Variants in SERGEF observed in about 807,000 individuals in gnomAD.
SERGEF encodes the protein secretion-regulating guanine nucleotide exchange factor.
In SERGEF, 51 loss-of-function variants were observed where a neutral mutation model predicts 50.0. That is an observed-to-expected ratio of 1.02 (90% CI 0.81 to 1.29). The LOEUF (loss-of-function observed/expected upper bound fraction) is 1.29, where lower values mean the gene tolerates loss of function less well. SERGEF is among the 50% of genes most tolerant of loss of function. The pLI is 0.00. For synonymous variants in SERGEF, 205 were observed against 212.4 expected (o/e 0.97, Z 0.30); for missense variants, 521 against 557.0 (o/e 0.94, Z 0.65).
intron 9 of SERGEF, among the ~76,000 whole-genome samples, chr11:17,881,009 C>G (rs1851324511): frequency 6.6e-6 from 1 of 152,130 alleles, no homozygotes; most frequent in Non-Finnish European, 1.5e-5. Context: ...TTAGTCATCA[C>G]AACAATCTTT....
intron 8 of SERGEF, among the ~76,000 whole-genome samples, chr11:17,984,928 A>T (rs1853564695): frequency 6.6e-6 from 1 of 152,256 alleles, no homozygotes. Context: ...CATTAAACAA[A>T]TAAGAATACA....
chr11:17,978,458 A>G (rs1853426018), intron 8 of SERGEF, among the ~76,000 whole-genome samples: 1 of 152,196 alleles, frequency 6.6e-6, no homozygotes, highest in Non-Finnish European at 1.5e-5. Flanking sequence ...GGAGAACTGG[A>G]CAGGGCAGAG....
intron 6 of SERGEF, 88 bp from the exon 7 acceptor site, chr11:17,993,081 GT>G: frequency 1.9e-6 from 2 of 1,080,924 alleles, no homozygotes; most frequent in Non-Finnish European, 2.8e-6. Flanking sequence ...CCACCTGGGC[GT>G]GGGAGAGACT....
At chr11:18,012,440 CAG>C (rs1854215831) in intron 1 of SERGEF, 1 of 1,011,212 alleles carries the variant, frequency 9.9e-7, no homozygotes, top group South Asian at 3.2e-5. Flanking sequence ...CCGGTCACAG[CAG>C]AGTGTCAGCA....
chr11:17,998,528 ATG>A lies in SERGEF; in HGVS notation c.508+1967_508+1968del, dbSNP rs71047568. On this transcript the variant is annotated intron_variant, in intron 5 of 10. Coordinates refer to ENST00000265965, the MANE Select transcript of SERGEF (RefSeq NM_012139.4). ...GTGTGTTATATATATATATGTTTATATGTGTGTGTGTGTGTGTGTATGTGTAT... is the reference window on the plus strand; with the variant it reads ...GTGTGTTATATATATATATGTTTATATGTGTGTGTGTGTGTGTATGTGTAT... 5.8e-4 allele frequency among the ~76,000 whole-genome samples: 73 copies of A among 126,150 alleles called. 1 individual carries two copies. Among genetic ancestry groups the A allele is most frequent in the Non-Finnish European group, 8.8e-4 (54 of 61,278 alleles). The allele number at this position is 126,150 out of a possible 152,430, so 82.8% of individuals were successfully genotyped here.
intron 10 of SERGEF, among the ~76,000 whole-genome samples, chr11:17,813,781 C>CA (rs1341757385): frequency 2.0e-4 from 30 of 152,366 alleles, no homozygotes; most frequent in African/African-American, 7.0e-4. Flanking sequence ...ATTAGAGAAG[C>CA]AGATTGAAAA....
chr11:17,903,207 C>T (rs519288), intron 9 of SERGEF, among the ~76,000 whole-genome samples: 74,153 of 151,890 alleles, frequency 0.49, 18,368 homozygotes, highest in African/African-American at 0.55. Context: ...TATTCTAAAC[C>T]CTGCAGGTCA....
At chr11:17,933,511 A>G (rs1259265132) in intron 9 of SERGEF, among the ~76,000 whole-genome samples, 1 of 152,154 alleles carries the variant, frequency 6.6e-6, no homozygotes, top group Non-Finnish European at 1.5e-5. Context: ...GTCCCTGGGA[A>G]AGTCACTCCA....
rs1411746616 is a variant in SERGEF at position 17,895,276 on chromosome 11, G to A, written c.1012-17032C>T. Among the ~76,000 whole-genome samples the A allele has an allele frequency of 3.3e-5, 5 of 152,162 alleles. No homozygotes were observed. In the East Asian group the frequency reaches 9.6e-4, roughly 29 times the overall value. ...CAGGTCCTAAAGCTTTACTCTTTCTGGGATTAAAAAGTCAATAATGAAGAT... is the reference window on the plus strand; with the variant it reads ...CAGGTCCTAAAGCTTTACTCTTTCTAGGATTAAAAAGTCAATAATGAAGAT... On this transcript the variant is annotated intron_variant, in intron 9 of 10. Transcript: ENST00000265965.
At chr11:17,917,302 G>A (rs1852067455) in intron 9 of SERGEF, among the ~76,000 whole-genome samples, 1 of 152,208 alleles carries the variant, frequency 6.6e-6, no homozygotes, top group Non-Finnish European at 1.5e-5. Flanking sequence ...TATTCTAAGT[G>A]AAGTAACTCA....
Position 17,884,235 on chromosome 11 carries a change from G to A in SERGEF, c.1012-5991C>T, listed in dbSNP as rs1374277828. Among the ~76,000 whole-genome samples the A allele has an allele frequency of 2.0e-5, 3 of 152,250 alleles. No individual in the cohort carries two copies. The highest frequency in any genetic ancestry group is 4.8e-5 in the African/African-American group (2 of 41,474). On this transcript the variant is annotated intron_variant, in intron 9 of 10. Transcript: ENST00000265965. This position sits in a 1 kb window ranked among gnomAD's most constrained non-coding sequence, Gnocchi z 4.6. ...GCGGAAACACATGATGGCCAGGGTGGAAGGGGAGTAACGGGGTTTAGGTTG... is the reference window on the plus strand; with the variant it reads ...GCGGAAACACATGATGGCCAGGGTGAAAGGGGAGTAACGGGGTTTAGGTTG...
intron 10 of SERGEF, among the ~76,000 whole-genome samples, chr11:17,789,603 T>C (rs1849446190): frequency 1.3e-5 from 2 of 152,146 alleles, no homozygotes; most frequent in East Asian, 1.9e-4. Context: ...ATAAAAATAA[T>C]ACATCTTCAT....
Position 17,926,859 on chromosome 11 carries a change from G to A in SERGEF, c.1011+32611C>T, listed in dbSNP as rs1178674822. 8.8e-6 allele frequency: 4 copies of A among 455,978 alleles called. No individual in the cohort carries two copies. The Admixed American group carries it at 9.4e-5, about 11-fold the overall frequency. The allele number at this position is 455,978 out of a possible 1,614,324, so 28.2% of individuals were successfully genotyped here. A position where few individuals can be genotyped will look rare whatever the true frequency, so the allele number is the denominator to read the frequency against. On this transcript the variant is annotated intron_variant, in intron 9 of 10. Coordinates refer to ENST00000265965, the MANE Select transcript of SERGEF (RefSeq NM_012139.4). Reference sequence around the variant, plus strand: ...TGCAGTTCAGTATCTGGCATGTAATGGGCACACAACAAATATTTATAGAAT... The same window carrying A: ...TGCAGTTCAGTATCTGGCATGTAATAGGCACACAACAAATATTTATAGAAT...
intron 10 of SERGEF, among the ~76,000 whole-genome samples, chr11:17,860,522 T>C (rs1211976930): frequency 1.3e-5 from 2 of 152,156 alleles, no homozygotes; most frequent in Admixed American, 1.3e-4. Flanking sequence ...CACCCCAAAA[T>C]AATTCAAAAT....
At chr11:17,913,994 G>A (rs1343584594) in intron 9 of SERGEF, among the ~76,000 whole-genome samples, 7 of 152,212 alleles carry the variant, frequency 4.6e-5, no homozygotes, top group Non-Finnish European at 1.0e-4. Flanking sequence ...CTACATGACT[G>A]AATGAAGCCC....
intron 9 of SERGEF, among the ~76,000 whole-genome samples, chr11:17,953,165 A>C (rs1852802805): frequency 6.6e-6 from 1 of 151,430 alleles, no homozygotes. Context: ...CAGGATCAAC[A>C]TATTTTCATT....
chr11:17,793,006 G>A (rs913250320), intron 10 of SERGEF, among the ~76,000 whole-genome samples: 1 of 152,150 alleles, frequency 6.6e-6, no homozygotes, highest in South Asian at 2.1e-4. Flanking sequence ...TATAGACTAT[G>A]GCCTATGGAC....
intron 10 of SERGEF, among the ~76,000 whole-genome samples, chr11:17,796,391 A>G (rs955643752): frequency 2.0e-5 from 3 of 152,202 alleles, no homozygotes; most frequent in African/African-American, 7.2e-5. Flanking sequence ...CCCCAATGCA[A>G]CAGTGTTGAG....
intron 9 of SERGEF, among the ~76,000 whole-genome samples, chr11:17,879,375 A>G (rs1851299210): frequency 6.6e-6 from 1 of 152,176 alleles, no homozygotes; most frequent in Non-Finnish European, 1.5e-5. Context: ...AGCTCCTGGC[A>G]AGAGGAATGT....
Sources: allele counts gnomAD v4.1 joint callset (sites outside exome capture counted in the v4.1 genomes callset), GRCh38; gene constraint gnomAD v4.1.1; non-coding constraint Gnocchi (gnomAD v3.1); transcripts MANE v1.5; gene names NCBI Gene and HGNC (gene_info 2026-07-23, HGNC 2026-07-21).